NUP98: variants seen among roughly 807,000 people sequenced by gnomAD.
The protein encoded by NUP98 is nuclear pore complex protein Nup98-Nup96.
Under a neutral mutation model 191.9 loss-of-function variants are expected in NUP98, and 26 were observed. The ratio of observed to expected loss-of-function variants is 0.14; its 90% confidence interval spans 0.10 to 0.19. The LOEUF (loss-of-function observed/expected upper bound fraction) is 0.19. Among genes scored for constraint, NUP98 ranks in the 10% least tolerant of loss-of-function variants. The pLI, the probability that NUP98 is intolerant of heterozygous loss-of-function variation, is 1.00. For missense variants in NUP98, 1,941 were observed against 2,178.8 expected (o/e 0.89, Z 2.17); for synonymous variants, 808 against 778.4 (o/e 1.04, Z -0.63).
chr11:3,754,843 G>A (rs1245377981), intron 10 of NUP98, among the ~76,000 whole-genome samples: 1 of 148,788 alleles, frequency 6.7e-6, no homozygotes, highest in African/African-American at 2.5e-5. Context: ...TTGGGAGGCT[G>A]AAGCAGGAGA....
chr11:3,766,667 C>T (rs1173400235), intron 8 of NUP98, among the ~76,000 whole-genome samples: 2 of 129,992 alleles, frequency 1.5e-5, no homozygotes, highest in Admixed American at 9.1e-5. Context: ...CCAGCCTGGG[C>T]GACAACAGTG....
At chr11:3,689,024 A>G (rs2134044377) in intron 28 of NUP98, among the ~76,000 whole-genome samples, 1 of 152,102 alleles carries the variant, frequency 6.6e-6, no homozygotes, top group East Asian at 1.9e-4. Flanking sequence ...ACTTGAGCTC[A>G]GGAGCTTGAG....
At chr11:3,716,431 C>T (rs1277977736) in intron 18 of NUP98, among the ~76,000 whole-genome samples, 3 of 151,918 alleles carry the variant, frequency 2.0e-5, no homozygotes, top group African/African-American at 4.8e-5. Flanking sequence ...TAAGACTGGG[C>T]GTGGTGGTTT....
intron 27 of NUP98, 126 bp from the exon 28 acceptor site, chr11:3,691,615 A>G: frequency 1.3e-5 from 11 of 874,814 alleles, no homozygotes; most frequent in South Asian, 1.8e-5. Context: ...GTGCAGTGGG[A>G]CAATCTCGGC....
At chr11:3,693,019 C>T in intron 27 of NUP98, 1 of 481,044 alleles carries the variant, frequency 2.1e-6, no homozygotes, top group Admixed American at 3.7e-5. Context: ...TGAAGAAGAA[C>T]CCTCTGATTT....
Position 3,773,790 on chromosome 11 carries a change from C to T in NUP98, c.496-51G>A, listed in dbSNP as rs767753889. 32 of 1,051,516 alleles carry T rather than the reference C, an allele frequency of 3.0e-5. No homozygotes were observed. The South Asian group carries it at 4.1e-4, about 13-fold the overall frequency. The allele number at this position is 1,051,516 out of a possible 1,614,324, so 65.1% of individuals were successfully genotyped here. ...TGTAGGTCCAAGTTTTACATTCCTA[C>T]TCTCTCAGATACAATTTCTCAACCA... On this transcript the variant is annotated intron_variant, in intron 5 of 32. Transcript: ENST00000324932.
intron 20 of NUP98, among the ~76,000 whole-genome samples, chr11:3,710,046 T>C (rs2078988419): frequency 6.7e-6 from 1 of 150,016 alleles, no homozygotes; most frequent in Non-Finnish European, 1.5e-5. Flanking sequence ...TATCTCTACC[T>C]GAGTGCCAAA....
At chr11:3,694,076 CAAA>C (rs35430290) in intron 26 of NUP98, among the ~76,000 whole-genome samples, 1 of 110,728 alleles carries the variant, frequency 9.0e-6, no homozygotes. Flanking sequence ...ATTAAAAATA[CAAA>C]AAAAAAAAAA....
In NUP98 at chr11:3,702,897, A is replaced by C. The variant is rs751930231; in HGVS notation, c.3083-5T>G. 1 of 1,597,356 alleles carries C rather than the reference A, an allele frequency of 6.3e-7. No homozygotes were observed. Among genetic ancestry groups the C allele is most frequent in the Non-Finnish European group, 8.5e-7 (1 of 1,169,708 alleles). ...TTGATTGTAGTAACCCACCAACTGA[A>C]ATGAAGCGGGAATGAAGGGGAGAAA... On this transcript the variant is annotated splice_region_variant and splice_polypyrimidine_tract_variant and intron_variant, in intron 22 of 32. Transcript: ENST00000324932.
rs1359690950 is a variant in NUP98 at position 3,702,899 on chromosome 11, T to G, written c.3083-7A>C. The G allele has an allele frequency of 1.5e-5, 24 of 1,596,346 alleles. No individual in the cohort carries two copies. Among genetic ancestry groups the G allele is most frequent in the Non-Finnish European group, 2.1e-5 (24 of 1,169,228 alleles). On this transcript the variant is annotated splice_region_variant and splice_polypyrimidine_tract_variant and intron_variant, in intron 22 of 32. Coordinates refer to ENST00000324932, the MANE Select transcript of NUP98 (RefSeq NM_016320.5). Reference sequence around the variant, plus strand: ...GATTGTAGTAACCCACCAACTGAAATGAAGCGGGAATGAAGGGGAGAAAGA... The same window carrying G: ...GATTGTAGTAACCCACCAACTGAAAGGAAGCGGGAATGAAGGGGAGAAAGA...
At chr11:3,706,318 A>G in intron 21 of NUP98, 127 bp downstream of exon 21, 5 of 807,696 alleles carry the variant, frequency 6.2e-6, no homozygotes, top group South Asian at 1.7e-5. Flanking sequence ...ATATTCTTGT[A>G]TTTTTTTTCC....
chr11:3,793,882 T>C (rs953073518), intron 1 of NUP98, among the ~76,000 whole-genome samples: 7 of 152,120 alleles, frequency 4.6e-5, no homozygotes, highest in African/African-American at 1.7e-4. Flanking sequence ...GGCAAGAGAA[T>C]TGCTTGAACC....
intron 2 of NUP98, among the ~76,000 whole-genome samples, chr11:3,779,775 G>C (rs936994994): frequency 1.2e-4 from 19 of 152,114 alleles, no homozygotes; most frequent in African/African-American, 4.3e-4. Flanking sequence ...GGGGAAGTAT[G>C]AAAATTTAAA....
At chr11:3,722,174 C>CA (rs931797526) in intron 16 of NUP98, among the ~76,000 whole-genome samples, 2 of 141,862 alleles carry the variant, frequency 1.4e-5, no homozygotes, top group African/African-American at 5.3e-5. Flanking sequence ...AGTTCAGTGG[C>CA]ATAATCATAG....
chr11:3,761,366 C>T (rs891174493), intron 9 of NUP98, among the ~76,000 whole-genome samples: 6 of 152,196 alleles, frequency 3.9e-5, no homozygotes, highest in African/African-American at 1.2e-4. Flanking sequence ...GTAGCTCACG[C>T]CTGTAATCCC....
intron 2 of NUP98, among the ~76,000 whole-genome samples, 195 bp from the exon 3 acceptor site, chr11:3,779,452 A>G (rs1437153172): frequency 6.6e-6 from 1 of 151,718 alleles, no homozygotes; most frequent in Non-Finnish European, 1.5e-5. Context: ...GACCAGCCTG[A>G]CCAACATGGA....
chr11:3,743,646 CAAAAAAA>C (rs34382341), intron 12 of NUP98, among the ~76,000 whole-genome samples: 3 of 49,422 alleles, frequency 6.1e-5, no homozygotes, highest in Non-Finnish European at 1.3e-4. Flanking sequence ...AACTCCATCT[CAAAAAAA>C]AAAAAAAAAA....
chr11:3,699,759 G>A (rs1357480254), intron 24 of NUP98, among the ~76,000 whole-genome samples: 1 of 152,162 alleles, frequency 6.6e-6, no homozygotes, highest in Non-Finnish European at 1.5e-5. Flanking sequence ...AAAAGACAAT[G>A]AGACGATTAA....
chr11:3,679,307 T>C, intron 31 of NUP98: 3 of 583,582 alleles, frequency 5.1e-6, no homozygotes, highest in Non-Finnish European at 9.5e-6. Context: ...GAAGAGACTG[T>C]CTATGGACAA....
Sources: allele counts gnomAD v4.1 joint callset (sites outside exome capture counted in the v4.1 genomes callset), GRCh38; gene constraint gnomAD v4.1.1; transcripts MANE v1.5; gene names NCBI Gene and HGNC (gene_info 2026-07-23, HGNC 2026-07-21).